The following NRN1 variants were observed in gnomAD, a reference collection of about 807,000 sequenced individuals.
NRN1 encodes neuritin.
A neutral mutation model predicts 15.0 loss-of-function variants in NRN1; 4 were observed. That is an observed-to-expected ratio of 0.27 (90% CI 0.13 to 0.61). The LOEUF is 0.61. Among genes scored for constraint, NRN1 ranks in the 20% least tolerant of loss-of-function variants. NRN1 has a pLI of 0.87. For missense variants in NRN1, 134 were observed against 181.9 expected, an observed-to-expected ratio of 0.74 and a Z score of 1.51; for synonymous variants, 85 against 79.8, an observed-to-expected ratio of 1.07 and a Z score of -0.35.
Position 5,998,907 on chromosome 6 carries a change from A to G in NRN1, c.*69T>C. On this transcript the variant is annotated 3_prime_UTR_variant, in exon 3 of 3. Transcript: ENST00000244766. ...CACAACGTCCCCAAAGAACTAATGGATCTTCCTCTCGATTTCCGGGAGCAT... is the reference window on the plus strand; with the variant it reads ...CACAACGTCCCCAAAGAACTAATGGGTCTTCCTCTCGATTTCCGGGAGCAT... The G allele has an allele frequency of 9.0e-7, 1 of 1,110,366 alleles. No homozygotes were observed. Among genetic ancestry groups the G allele is most frequent in the Non-Finnish European group, 1.3e-6 (1 of 753,932 alleles). 68.8% of individuals were successfully genotyped at this position (1,110,366 alleles called of 1,614,324 possible).
intron 1 of NRN1, 58 bp downstream of exon 1, chr6:6,006,637 G>C (rs1404332368): frequency 6.1e-5 from 95 of 1,568,370 alleles, no homozygotes; most frequent in Non-Finnish European, 7.5e-5. Flanking sequence ...TCCGCGCCTC[G>C]GGCCGGGGCA....
At position 5,999,178 on chromosome 6, in the gene NRN1, G is replaced by A; in HGVS notation, c.227C>T (p.Thr76Met). ...CTYWEDFHSC[T>M]VTALTDCQEG... ...CTGGCAATCCGTAAGGGCTGTGACCGTGCAGCTGTGGAAATCCTCCCAGTA... is the reference window on the plus strand; with the variant it reads ...CTGGCAATCCGTAAGGGCTGTGACCATGCAGCTGTGGAAATCCTCCCAGTA... The change falls in exon 3 of 3, where the codon ACG becomes ATG. Residue 76 changes from threonine to methionine, a missense_variant. By Grantham distance (81) the Thr-to-Met change is moderately conservative (BLOSUM62 -1). Coordinates refer to ENST00000244766, the MANE Select transcript of NRN1 (RefSeq NM_016588.3). 1 of 1,613,882 alleles carries A rather than the reference G, an allele frequency of 6.2e-7. No homozygotes were observed. Among genetic ancestry groups the A allele is most frequent in the Non-Finnish European group, 8.5e-7 (1 of 1,179,924 alleles).
At chr6:5,999,340 C>T in intron 2 of NRN1, 136 bp from the exon 3 acceptor site, 1 of 700,498 alleles carries the variant, frequency 1.4e-6, no homozygotes, top group Non-Finnish European at 2.4e-6. Context: ...CTTCTCTTCA[C>T]CGCCCTGGCG....
At chr6:6,007,144 C>T (rs991345073), upstream of NRN1, among the ~76,000 whole-genome samples, 1 of 152,050 alleles carries the variant, frequency 6.6e-6, no homozygotes, top group African/African-American at 2.4e-5. Flanking sequence ...CAGATATCTC[C>T]AATTAATGTG....
At chr6:6,002,881 C>T (rs537205857) in intron 1 of NRN1, 1 of 381,636 alleles carries the variant, frequency 2.6e-6, no homozygotes, top group East Asian at 4.0e-5. Context: ...TCTCCCAACA[C>T]TTCCCCAGCA....
chr6:6,003,851 A>C, intron 1 of NRN1: 1 of 1,232,922 alleles, frequency 8.1e-7, no homozygotes, highest in East Asian at 3.2e-5. Flanking sequence ...GAAAGGGTGA[A>C]TCTCAGAATC....
At chr6:6,007,185 T>A (rs1232784243), upstream of NRN1, among the ~76,000 whole-genome samples, 1 of 151,740 alleles carries the variant, frequency 6.6e-6, no homozygotes, top group Non-Finnish European at 1.5e-5. Flanking sequence ...CTCCCGGGGG[T>A]GAGCACTTTC....
upstream of NRN1, chr6:6,006,947 G>A: frequency 5.2e-6 from 1 of 192,654 alleles, no homozygotes. Context: ...GAAAGAGAGA[G>A]AGAGAGAGAG....
chr6:5,999,313 G>A, intron 2 of NRN1, 109 bp from the exon 3 acceptor site: 1 of 886,806 alleles, frequency 1.1e-6, no homozygotes, highest in Admixed American at 2.0e-5. Context: ...CAACTTCCCG[G>A]GGTGTCCCCT....
At chr6:6,000,452 C>CT (rs1185200943) in intron 2 of NRN1, among the ~76,000 whole-genome samples, 1 of 152,196 alleles carries the variant, frequency 6.6e-6, no homozygotes, top group Admixed American at 6.5e-5. Context: ...CCCCACCTGC[C>CT]CCGGGCCTTG....
upstream of NRN1, among the ~76,000 whole-genome samples, chr6:6,007,237 C>G (rs1171077233): frequency 6.6e-6 from 1 of 151,948 alleles, no homozygotes; most frequent in African/African-American, 2.4e-5. Flanking sequence ...GTTCCGGGGG[C>G]CCCCCAGCCC....
At chr6:6,006,644 G>T in intron 1 of NRN1, 51 bp downstream of exon 1, 1 of 1,582,888 alleles carries the variant, frequency 6.3e-7, no homozygotes, top group Non-Finnish European at 8.7e-7. Context: ...CTCGGGCCGG[G>T]GCAGGCTGCC....
chr6:6,003,361 G>A (rs1473171505), intron 1 of NRN1: 1 of 733,310 alleles, frequency 1.4e-6, no homozygotes, highest in Non-Finnish European at 1.9e-6. Flanking sequence ...CGAACCTCGG[G>A]CCTCTTTCTC....
chr6:6,003,428 C>G (rs1373243357), intron 1 of NRN1, among the ~76,000 whole-genome samples: 2 of 152,154 alleles, frequency 1.3e-5, no homozygotes, highest in Non-Finnish European at 2.9e-5. Flanking sequence ...CCCACCCGCC[C>G]GCCAAAAAGC....
chr6:6,003,664 C>T (rs1196547571), intron 1 of NRN1: 6 of 1,217,258 alleles, frequency 4.9e-6, no homozygotes, highest in Non-Finnish European at 6.2e-6. Flanking sequence ...GGCCTCTGGA[C>T]GGCCAAACCC....
intron 1 of NRN1, chr6:6,003,974 C>G (rs371294541): frequency 2.4e-5 from 29 of 1,220,234 alleles, no homozygotes; most frequent in Middle Eastern, 3.2e-4. Context: ...CTCAATCCCC[C>G]GGCCCCCAAC....
chr6:5,999,089 T>C lies in NRN1; in HGVS notation c.316A>G (p.Ser106Gly). ...KESKNLNIQG[S>G]LFELCGSGNG... is the part of the protein sequence containing the mutation. ...CCGCTGCCGCAGAGTTCGAATAAGC[T>C]GCCTTGGATGTTGAGGTTTTTGGAT... Residue 106 changes from serine (S) to glycine (G), a missense_variant, in exon 3 of 3, where the codon AGC becomes GGC. Transcript: ENST00000244766. The C allele has an allele frequency of 1.2e-6, 2 of 1,614,192 alleles. No individual in the cohort carries two copies. Among genetic ancestry groups the C allele is most frequent in the Non-Finnish European group, 1.7e-6 (2 of 1,180,026 alleles).
chr6:6,007,160 T>A (rs1758132393), upstream of NRN1, among the ~76,000 whole-genome samples: 1 of 152,134 alleles, frequency 6.6e-6, no homozygotes, highest in Non-Finnish European at 1.5e-5. Context: ...ATGTGCGATC[T>A]GAACGAAATT....
At chr6:6,004,958 A>G (rs1758068364) in intron 1 of NRN1, among the ~76,000 whole-genome samples, 1 of 149,668 alleles carries the variant, frequency 6.7e-6, no homozygotes, top group African/African-American at 2.5e-5. Flanking sequence ...AATGTCAATG[A>G]TTTGGGACAG....
Sources: allele counts gnomAD v4.1 joint callset (sites outside exome capture counted in the v4.1 genomes callset), GRCh38; gene constraint gnomAD v4.1.1; transcripts MANE v1.5; gene names NCBI Gene and HGNC (gene_info 2026-07-23, HGNC 2026-07-21).